Variants in ITGA4 observed in about 807,000 individuals in gnomAD.
The protein encoded by ITGA4 is integrin alpha-4.
In ITGA4, 63 loss-of-function variants were observed where a neutral mutation model predicts 133.6. The ratio of observed to expected loss-of-function variants is 0.47; its 90% CI spans 0.38 to 0.58. The LOEUF is 0.58. Among genes scored for constraint, ITGA4 ranks in the 20% least tolerant of loss-of-function variants. The pLI is 0.00. For synonymous variants in ITGA4, 483 were observed against 438.0 expected (o/e 1.10, Z -1.28); for missense variants, 1,076 against 1,252.7 (o/e 0.86, Z 2.13).
rs1238464544 is a variant in ITGA4, at chr2:181,482,540, C to G, written c.930C>G (p.Val310=). 1 of 1,613,770 alleles carries G rather than the reference C, an allele frequency of 6.2e-7. No individual in the cohort carries two copies. Among genetic ancestry groups the G allele is most frequent in the East Asian group, 2.2e-5 (1 of 44,862 alleles). The change falls in exon 9 of 28, where the codon GTC becomes GTG. Residue 310 remains valine (V), a synonymous_variant. Coordinates refer to ENST00000397033, the MANE Select transcript of ITGA4 (RefSeq NM_000885.6). ...KKLGSYFGAS[V]CAVDLNADGF... ...TTGGATCGTACTTTGGAGCTTCTGT[C>G]TGTGCTGTGGACCTCAATGCAGATG...
At chr2:181,519,915 C>T (rs1210255381) in intron 17 of ITGA4, among the ~76,000 whole-genome samples, 1 of 152,020 alleles carries the variant, frequency 6.6e-6, no homozygotes, top group African/African-American at 2.4e-5. Flanking sequence ...GCTTGGACAC[C>T]ACCGAACCCT....
Position 181,481,152 on chromosome 2 carries a change from G to A in ITGA4, c.755-446G>A, listed in dbSNP as rs375000946. 5.9e-5 allele frequency among the ~76,000 whole-genome samples: 9 copies of A among 152,152 alleles called. No homozygotes were observed. The South Asian group carries it at 1.5e-3, about 25-fold the overall frequency. The stretch of plus-strand genomic sequence containing the variant: ...TCGTTCAAGAAATATAACTTGTTAC[G>A]CCTTTTATCACATAAAATACGAACA... On this transcript the variant is annotated intron_variant, in intron 6 of 27. Transcript: ENST00000397033.
Position 181,523,505 on chromosome 2 carries a change from CTA to C in ITGA4, c.2150_2151del (p.Tyr717CysfsTer10). The part of the protein sequence containing the change: ...GVVQLDCSIG[Y>X]IYVDHLSRID... ...TGGTACAACTTGACTGCAGTATTGG[CTA>C]TATATATGTAGATCATCTCTCAAGG... On this transcript the variant is annotated frameshift_variant, in exon 19 of 28. Transcript: ENST00000397033. LOFTEE classifies it high-confidence loss of function. This position sits in a 1 kb window ranked among gnomAD's most constrained non-coding sequence, Gnocchi z 4.2. 1 of 1,596,646 alleles carries C rather than the reference CTA, an allele frequency of 6.3e-7. No homozygotes were observed. Among genetic ancestry groups the C allele is most frequent in the Non-Finnish European group, 8.6e-7 (1 of 1,164,466 alleles).
intron 16 of ITGA4, among the ~76,000 whole-genome samples, chr2:181,510,732 G>A (rs368506193): frequency 6.6e-6 from 1 of 151,888 alleles, no homozygotes; most frequent in African/African-American, 2.4e-5. Flanking sequence ...AAATATTTAC[G>A]GAAGTCAGGG....
In ITGA4 at chr2:181,457,520, C is replaced by T. The variant is rs201181071; in HGVS notation, c.-135C>T. 7.1e-6 allele frequency: 6 copies of T among 839,860 alleles called. No individual in the cohort carries two copies. The highest frequency in any genetic ancestry group is 3.6e-6 in the Non-Finnish European group (2 of 554,276). 52.0% of individuals were successfully genotyped at this position (839,860 alleles called of 1,614,324 possible). On this transcript the variant is annotated 5_prime_UTR_variant, in exon 1 of 28. Coordinates refer to ENST00000397033, the MANE Select transcript of ITGA4 (RefSeq NM_000885.6). The stretch of plus-strand genomic sequence containing the variant: ...GACTTCCCCTCCTCTTCCCTCTCTC[C>T]TTCCTTTAGCCCGCTGGCGCCGGAC...
At chr2:181,462,256 G>GC in intron 2 of ITGA4, among the ~76,000 whole-genome samples, 1 of 152,182 alleles carries the variant, frequency 6.6e-6, no homozygotes, top group Non-Finnish European at 1.5e-5. Context: ...CAAGCTGCCT[G>GC]CCTGTCCCTC....
Position 181,457,396 on chromosome 2 carries a change from G to T in ITGA4, c.-259G>T. On this transcript the variant is annotated 5_prime_UTR_variant, in exon 1 of 28. Transcript: ENST00000397033. Reference sequence around the variant, plus strand: ...CGGCCCGTACCCGGAGAAGCAGCGCGAGCACCCGAAGCTCCCGGCTGGCGG... The same window carrying T: ...CGGCCCGTACCCGGAGAAGCAGCGCTAGCACCCGAAGCTCCCGGCTGGCGG... 1 of 428,930 alleles carries T rather than the reference G, an allele frequency of 2.3e-6. No homozygotes were observed. Among genetic ancestry groups the T allele is most frequent in the South Asian group, 2.8e-5 (1 of 35,680 alleles). The allele number at this position is 428,930 out of a possible 1,614,324, so 26.6% of individuals were successfully genotyped here.
intron 2 of ITGA4, among the ~76,000 whole-genome samples, chr2:181,467,225 TA>T (rs3835963): frequency 2.5e-4 from 37 of 149,624 alleles, no homozygotes; most frequent in African/African-American, 8.3e-4. Flanking sequence ...AGCTTCAGCT[TA>T]AAAAAAAAAG....
intron 4 of ITGA4, among the ~76,000 whole-genome samples, chr2:181,478,147 C>T (rs1176907660): frequency 6.6e-6 from 1 of 152,022 alleles, no homozygotes; most frequent in Non-Finnish European, 1.5e-5. Flanking sequence ...TGTATGATCT[C>T]ACCTATCTGT....
In ITGA4 at chr2:181,536,576, C is replaced by CGAAGAAACAAAATTCATAAATT. The variant is rs1687104730; in HGVS notation, c.*1050_*1071dup. 1.1e-5 allele frequency: 1 copy of CGAAGAAACAAAATTCATAAATT among 94,298 alleles called. No homozygotes were observed. Among genetic ancestry groups the CGAAGAAACAAAATTCATAAATT allele is most frequent in the Non-Finnish European group, 2.1e-5 (1 of 46,776 alleles). The allele number at this position is 94,298 out of a possible 1,614,324, so 5.8% of individuals were successfully genotyped here. On this transcript the variant is annotated 3_prime_UTR_variant, in exon 28 of 28. Transcript: ENST00000397033. ...GTATAAGTGTTACCTTACATGGAAA[C>CGAAGAAACAAAATTCATAAATT]GAAGAAACAAAATTCATAAATTTAA...
At chr2:181,533,656 T>C (rs900459337) in intron 25 of ITGA4, among the ~76,000 whole-genome samples, 11 of 152,298 alleles carry the variant, frequency 7.2e-5, no homozygotes, top group African/African-American at 2.6e-4. Context: ...TCTAGATCTA[T>C]AGGAAGCTTG....
At chr2:181,473,675 A>G (rs1343787388) in intron 2 of ITGA4, among the ~76,000 whole-genome samples, 1 of 152,220 alleles carries the variant, frequency 6.6e-6, no homozygotes, top group Non-Finnish European at 1.5e-5. Context: ...TCACTTCTCA[A>G]ATATTAGCCT....
Position 181,537,749 on chromosome 2 carries a change from A to T in ITGA4, c.*2222A>T. ...CCAATAAACACATTGTAAAAAAAAG[A>T]ATTTGAATTGATATCTAAAAACAGA... On this transcript the variant is annotated 3_prime_UTR_variant, in exon 28 of 28. Coordinates refer to ENST00000397033, the MANE Select transcript of ITGA4 (RefSeq NM_000885.6). 2 of 444,978 alleles carry T rather than the reference A, an allele frequency of 4.5e-6. No homozygotes were observed. Among genetic ancestry groups the T allele is most frequent in the South Asian group, 1.6e-5 (1 of 62,450 alleles). 27.6% of individuals were successfully genotyped at this position (444,978 alleles called of 1,614,324 possible).
At chr2:181,477,318 G>A (rs1015237610) in intron 4 of ITGA4, among the ~76,000 whole-genome samples, 1 of 151,880 alleles carries the variant, frequency 6.6e-6, no homozygotes. Context: ...ATGAGTTTTT[G>A]GAAATTACAC....
intron 17 of ITGA4, among the ~76,000 whole-genome samples, chr2:181,521,213 G>A (rs957553985): frequency 4.0e-5 from 6 of 151,776 alleles, no homozygotes; most frequent in Non-Finnish European, 7.4e-5. Flanking sequence ...CTGTTCTTAG[G>A]GGAAAGTTTA....
intron 1 of ITGA4, 101 bp from the exon 2 acceptor site, chr2:181,458,095 T>G (rs1574369805): frequency 6.7e-7 from 1 of 1,503,684 alleles, no homozygotes. Context: ...GAGGAGGAGG[T>G]GGGGAAGCTG....
At position 181,538,385 on chromosome 2, in the gene ITGA4, GAGA is replaced by G. The variant is rs772743514; in HGVS notation, c.*2861_*2863del. 9.6e-5 allele frequency: 59 copies of G among 613,948 alleles called. No homozygotes were observed. Among genetic ancestry groups the G allele is most frequent in the Non-Finnish European group, 1.3e-4 (44 of 338,564 alleles). The allele number at this position is 613,948 out of a possible 1,614,324, so 38.0% of individuals were successfully genotyped here. On this transcript the variant is annotated 3_prime_UTR_variant, in exon 28 of 28. Coordinates refer to ENST00000397033, the MANE Select transcript of ITGA4 (RefSeq NM_000885.6). ...CAACAGAGCTGTAATCTAGAAAACT[GAGA>G]AGGTCTGATTGATAAATCATCAACA... is the stretch of plus-strand genomic sequence containing the variant.
chr2:181,490,687 C>G (rs1686033956), intron 10 of ITGA4, among the ~76,000 whole-genome samples: 1 of 152,102 alleles, frequency 6.6e-6, no homozygotes, highest in African/African-American at 2.4e-5. Flanking sequence ...CCACAACATC[C>G]TGGCTCTGTC....
intron 17 of ITGA4, among the ~76,000 whole-genome samples, chr2:181,514,452 T>C (rs907191095): frequency 1.3e-5 from 2 of 152,078 alleles, no homozygotes. Flanking sequence ...GATGATTGGA[T>C]TTTATACTTA....
Sources: allele counts gnomAD v4.1 joint callset (sites outside exome capture counted in the v4.1 genomes callset), GRCh38; gene constraint gnomAD v4.1.1; non-coding constraint Gnocchi (gnomAD v3.1); transcripts MANE v1.5; gene names NCBI Gene and HGNC (gene_info 2026-07-23, HGNC 2026-07-21).